Variants in CCDC138 observed in about 807,000 individuals in gnomAD.
The protein encoded by CCDC138 is coiled-coil domain-containing protein 138.
A neutral mutation model predicts 82.3 loss-of-function variants in CCDC138; 66 were observed. The ratio of observed to expected loss-of-function variants is 0.80; its 90% CI spans 0.66 to 0.98. The LOEUF is 0.98. Ranked by LOEUF, CCDC138 falls within the 50% of genes least tolerant of loss-of-function variation. CCDC138 has a pLI of 0.00. For missense variants in CCDC138, 816 were observed against 758.9 expected (o/e 1.08, Z -0.88); for synonymous variants, 297 against 265.4 (o/e 1.12, Z -1.16).
intron 2 of CCDC138, chr2:108,884,536 T>C (rs1187526521): frequency 6.6e-6 from 1 of 152,124 alleles, no homozygotes; most frequent in Non-Finnish European, 1.5e-5. Context: ...AGAGAAGAGA[T>C]CTTTGTTTTG....
rs957490060 is a variant in CCDC138, at chr2:108,824,558, C to A, written c.1206+8453C>A. 3.9e-5 allele frequency among the ~76,000 whole-genome samples: 6 copies of A among 152,086 alleles called. No homozygotes were observed. In the South Asian group the frequency reaches 8.3e-4, roughly 21 times the overall value. On this transcript the variant is annotated intron_variant, in intron 10 of 14. Transcript: ENST00000295124. Reference sequence around the variant, plus strand: ...GATAACAATGCCTTTTCCTGGAAGACCTGCTGAAGGACCTGCCTGAGGCTG... The same window carrying A: ...GATAACAATGCCTTTTCCTGGAAGAACTGCTGAAGGACCTGCCTGAGGCTG...
intron 10 of CCDC138, among the ~76,000 whole-genome samples, chr2:108,820,833 A>T (rs1411758679): frequency 1.3e-5 from 2 of 152,202 alleles, no homozygotes; most frequent in African/African-American, 4.8e-5. Flanking sequence ...TATAAAAATT[A>T]CTAAAGAGAG....
At chr2:108,799,475 C>A (rs977377436) in intron 6 of CCDC138, among the ~76,000 whole-genome samples, 1 of 152,202 alleles carries the variant, frequency 6.6e-6, no homozygotes, top group Non-Finnish European at 1.5e-5. Context: ...CAGCCTCAGC[C>A]CTTGGCAACC....
At chr2:108,804,862 A>G (rs752083846) in intron 6 of CCDC138, 27 bp from the exon 7 acceptor site, 3 of 1,481,846 alleles carry the variant, frequency 2.0e-6, no homozygotes, top group Non-Finnish European at 2.7e-6. Flanking sequence ...CAAGTTTTAG[A>G]TGAGAGTTTT....
At chr2:108,879,612 C>T (rs1291816046), downstream of CCDC138, among the ~76,000 whole-genome samples, 1 of 152,008 alleles carries the variant, frequency 6.6e-6, no homozygotes, top group Non-Finnish European at 1.5e-5. Flanking sequence ...TATATTTTGG[C>T]CAGGCTAAGT....
chr2:108,836,084 T>C (rs1316212804), intron 10 of CCDC138, among the ~76,000 whole-genome samples: 1 of 152,210 alleles, frequency 6.6e-6, no homozygotes, highest in Non-Finnish European at 1.5e-5. Context: ...TCAACACTGA[T>C]GTTTTGGGCA....
At chr2:108,799,405 C>G (rs906787561) in intron 6 of CCDC138, among the ~76,000 whole-genome samples, 2 of 152,132 alleles carry the variant, frequency 1.3e-5, no homozygotes, top group African/African-American at 2.4e-5. Flanking sequence ...TCAACAAGAT[C>G]AAGAGTAGTT....
chr2:108,858,298 T>A (rs988049043), intron 13 of CCDC138, among the ~76,000 whole-genome samples: 1 of 152,162 alleles, frequency 6.6e-6, no homozygotes, highest in African/African-American at 2.4e-5. Flanking sequence ...GAGCCAAGAT[T>A]GTGCCACTGT....
At chr2:108,830,091 G>A (rs548327821) in intron 10 of CCDC138, among the ~76,000 whole-genome samples, 36 of 152,284 alleles carry the variant, frequency 2.4e-4, no homozygotes, top group Non-Finnish European at 4.4e-4. Context: ...ATTCAGGCAT[G>A]AAATTGACAC....
In CCDC138 at chr2:108,828,423, TAGAG is replaced by T. The variant is rs112021533; in HGVS notation, c.1207-10757_1207-10754del. Among the ~76,000 whole-genome samples, 375 of 152,312 alleles carry T rather than the reference TAGAG, an allele frequency of 2.5e-3. 2 individuals are homozygous for T. The highest frequency in any genetic ancestry group is 8.5e-3 in the African/African-American group (355 of 41,584). On this transcript the variant is annotated intron_variant, in intron 10 of 14. Coordinates refer to ENST00000295124, the MANE Select transcript of CCDC138 (RefSeq NM_144978.3). The stretch of plus-strand genomic sequence containing the variant: ...AAAACAACCATAAAAAGAACAAAGT[TAGAG>T]AGAGCTCTCATACTTTCTGATTTCA...
downstream of CCDC138, among the ~76,000 whole-genome samples, chr2:108,880,199 AAAAAC>A (rs1256781722): frequency 2.4e-5 from 3 of 122,568 alleles, no homozygotes; most frequent in African/African-American, 3.1e-5. Flanking sequence ...CTTAAAAAAA[AAAAAC>A]AACAACAAAC....
intron 10 of CCDC138, among the ~76,000 whole-genome samples, chr2:108,837,260 G>T (rs1241036072): frequency 1.3e-5 from 2 of 152,180 alleles, no homozygotes; most frequent in African/African-American, 4.8e-5. Flanking sequence ...GTTGAATCTT[G>T]TTCAGTGCTT....
chr2:108,787,384 A>G (rs1251332192), intron 1 of CCDC138, among the ~76,000 whole-genome samples: 3 of 152,070 alleles, frequency 2.0e-5, no homozygotes, highest in African/African-American at 7.2e-5. Flanking sequence ...CTACAAACGC[A>G]TTTTTTCCCT....
intron 14 of CCDC138, among the ~76,000 whole-genome samples, chr2:108,874,132 A>C (rs1181635022): frequency 1.3e-5 from 2 of 152,180 alleles, no homozygotes; most frequent in Non-Finnish European, 2.9e-5. Flanking sequence ...AAATTCTTGC[A>C]TACTGGTATT....
chr2:108,816,690 CT>C (rs1558665025), intron 10 of CCDC138, among the ~76,000 whole-genome samples: 1 of 152,104 alleles, frequency 6.6e-6, no homozygotes, highest in Non-Finnish European at 1.5e-5. Context: ...CCAGTCACCT[CT>C]TTTTTAAAAA....
intron 13 of CCDC138, 125 bp from the exon 14 acceptor site, chr2:108,873,326 G>A (rs917950811): frequency 2.3e-6 from 2 of 877,652 alleles, no homozygotes; most frequent in Non-Finnish European, 3.1e-6. Flanking sequence ...AAAAATTTAA[G>A]TATGAAAAGA....
chr2:108,804,933 A>G lies in CCDC138; in HGVS notation c.780A>G (p.Glu260=), dbSNP rs1682602184. Residue 260 remains glutamate, a synonymous_variant, in exon 7 of 15, where the codon GAA becomes GAG. Transcript: ENST00000295124. ...AACACTTAACCGAAGTTCTTAAGGA[A>G]AAGAATAAAGAAACCAAGAGACTGA... ...EVEHLTEVLK[E]KNKETKRLRS... 1.3e-6 allele frequency: 2 copies of G among 1,573,188 alleles called. No homozygotes were observed. The highest frequency in any genetic ancestry group is 4.6e-5 in the East Asian group (2 of 43,462).
Position 108,868,551 on chromosome 2 carries a change from T to TA in CCDC138, c.1694-4895dup, listed in dbSNP as rs549565754. Among the ~76,000 whole-genome samples, 789 of 152,280 alleles carry TA rather than the reference T, an allele frequency of 5.2e-3. 7 individuals are homozygous for TA. The highest frequency in any genetic ancestry group is 0.018 in the African/African-American group (745 of 41,566). On this transcript the variant is annotated intron_variant, in intron 13 of 14. Coordinates refer to ENST00000295124, the MANE Select transcript of CCDC138 (RefSeq NM_144978.3). ...TCTCTCTTCTGGAGACTGTAACACC[T>TA]AAAAACTTTCTCCTCCAGCCTTTCA... is the stretch of plus-strand genomic sequence containing the variant.
chr2:108,839,454 TAAACC>T (rs1413861699), intron 11 of CCDC138, among the ~76,000 whole-genome samples, 153 bp downstream of exon 11: 2 of 152,206 alleles, frequency 1.3e-5, no homozygotes, highest in African/African-American at 4.8e-5. Context: ...GGAATTGTGT[TAAACC>T]TGTATATTAA....
Sources: gnomAD v4.1 joint callset for allele counts (sites outside exome capture counted in the v4.1 genomes callset) on GRCh38, gnomAD v4.1.1 for gene constraint, MANE v1.5 for transcripts, NCBI Gene and HGNC (gene_info 2026-07-23, HGNC 2026-07-21) for gene names.